Variants in STK32B observed in about 807,000 individuals in gnomAD.
STK32B encodes the protein serine/threonine-protein kinase 32B.
In STK32B, 43 loss-of-function variants were observed where a neutral mutation model predicts 52.6. The ratio of observed to expected loss-of-function variants is 0.82; its 90% CI spans 0.64 to 1.05. The LOEUF (loss-of-function observed/expected upper bound fraction) is 1.05. STK32B is among the 50% of genes least tolerant of loss of function. The pLI is 0.00. For synonymous variants in STK32B, 238 were observed against 204.3 expected (o/e 1.17, Z -1.41); for missense variants, 621 against 534.6 (o/e 1.16, Z -1.59).
chr4:5,108,413 G>C (rs6833812), intron 1 of STK32B, among the ~76,000 whole-genome samples: 1 of 151,994 alleles, frequency 6.6e-6, no homozygotes, highest in African/African-American at 2.4e-5. Context: ...CCCAGTCTTG[G>C]TTGGCGCTGT....
intron 7 of STK32B, chr4:5,446,985 G>A (rs1332173234): frequency 1.9e-6 from 1 of 520,968 alleles, no homozygotes; most frequent in Non-Finnish European, 3.5e-6. Context: ...ATGGGAAAGA[G>A]GCATTCAGTG....
At chr4:5,158,261 C>T (rs992060445) in intron 2 of STK32B, among the ~76,000 whole-genome samples, 1 of 152,184 alleles carries the variant, frequency 6.6e-6, no homozygotes, top group African/African-American at 2.4e-5. Context: ...TGTTTCCCAG[C>T]TCCCTTTACC....
At chr4:5,273,738 A>C (rs1302545792) in intron 3 of STK32B, among the ~76,000 whole-genome samples, 1 of 133,992 alleles carries the variant, frequency 7.5e-6, no homozygotes. Flanking sequence ...AAACTATCGC[A>C]AGAACAAAAA....
intron 4 of STK32B, among the ~76,000 whole-genome samples, chr4:5,389,672 G>A (rs1373259854): frequency 6.6e-6 from 1 of 152,124 alleles, no homozygotes; most frequent in Non-Finnish European, 1.5e-5. Flanking sequence ...GAATTTGGAG[G>A]AACACGATTC....
At chr4:5,059,856 G>A (rs918751317) in intron 1 of STK32B, among the ~76,000 whole-genome samples, 2 of 152,146 alleles carry the variant, frequency 1.3e-5, no homozygotes, top group African/African-American at 4.8e-5. Context: ...GAATAGGAAG[G>A]AAGAGACATT....
intron 3 of STK32B, among the ~76,000 whole-genome samples, chr4:5,282,890 A>C (rs1728299488): frequency 6.6e-6 from 1 of 152,124 alleles, no homozygotes; most frequent in African/African-American, 2.4e-5. Context: ...TCCATTTCAT[A>C]TTTGCAGACC....
chr4:5,164,172 G>A lies in STK32B; in HGVS notation c.109-4127G>A, dbSNP rs556450316. ...TGGAAATTTATTATCTTACAGTTTC[G>A]AAGGCCAGAAGTCTTGAATCCAGCT... On this transcript the variant is annotated intron_variant, in intron 2 of 11. Transcript: ENST00000282908. Among the ~76,000 whole-genome samples, 36 of 152,224 alleles carry A rather than the reference G, an allele frequency of 2.4e-4. No homozygotes were observed. In the South Asian group the frequency reaches 6.2e-3, roughly 26 times the overall value.
the STK32B span, among the ~76,000 whole-genome samples, chr4:5,027,512 T>C: frequency 3.6e-4 from 55 of 152,332 alleles, no homozygotes; most frequent in African/African-American, 1.3e-3. Context: ...ATCTCACTTA[T>C]GTTACCATGC....
chr4:5,487,813 A>C (rs984513324), intron 11 of STK32B, among the ~76,000 whole-genome samples: 1 of 152,084 alleles, frequency 6.6e-6, no homozygotes, highest in Non-Finnish European at 1.5e-5. Context: ...CCCCCTTCTT[A>C]TTTTGGTTTG....
At chr4:5,415,406 G>C (rs1712077323) in intron 5 of STK32B, among the ~76,000 whole-genome samples, 1 of 152,194 alleles carries the variant, frequency 6.6e-6, no homozygotes, top group Non-Finnish European at 1.5e-5. Context: ...AACCAAGGCA[G>C]TCTGGCTCAG....
At chr4:5,041,856 T>A in the STK32B span, among the ~76,000 whole-genome samples, 2 of 151,860 alleles carry the variant, frequency 1.3e-5, no homozygotes, top group African/African-American at 4.8e-5. Context: ...CATATTGAAA[T>A]TGAGTGCAAG....
intron 7 of STK32B, among the ~76,000 whole-genome samples, chr4:5,448,972 G>C (rs4688931): frequency 0.68 from 102,870 of 152,004 alleles, 34,895 homozygotes; most frequent in East Asian, 0.83. Flanking sequence ...CCCCCTCTTG[G>C]AATTCCTCAG....
chr4:5,080,946 C>G (rs532560587), intron 1 of STK32B, among the ~76,000 whole-genome samples: 8 of 152,256 alleles, frequency 5.3e-5, no homozygotes, highest in Admixed American at 5.2e-4. Flanking sequence ...GCCAACAGCT[C>G]CCTATATTCC....
At chr4:5,452,807 A>T (rs1008588468) in intron 7 of STK32B, among the ~76,000 whole-genome samples, 11 of 152,062 alleles carry the variant, frequency 7.2e-5, no homozygotes, top group African/African-American at 2.7e-4. Flanking sequence ...GTTTCCTGGA[A>T]TAGAGACATA....
chr4:5,412,495 GT>G (rs1420465432), intron 5 of STK32B, among the ~76,000 whole-genome samples: 3 of 152,152 alleles, frequency 2.0e-5, no homozygotes, highest in African/African-American at 7.2e-5. Context: ...CAGCATGTCT[GT>G]TCCAGAGCAA....
chr4:5,187,818 C>A (rs1720865386), intron 3 of STK32B, among the ~76,000 whole-genome samples: 1 of 152,190 alleles, frequency 6.6e-6, no homozygotes, highest in Non-Finnish European at 1.5e-5. Context: ...AGCCTATGCT[C>A]TTTCTAAAGC....
chr4:5,055,581 A>G (rs1184498537), intron 1 of STK32B, among the ~76,000 whole-genome samples: 1 of 152,110 alleles, frequency 6.6e-6, no homozygotes, highest in Non-Finnish European at 1.5e-5. Flanking sequence ...CACAACTTGC[A>G]TCGTTAAGAA....
intron 2 of STK32B, among the ~76,000 whole-genome samples, chr4:5,164,389 T>C (rs1472893903): frequency 6.6e-6 from 1 of 152,158 alleles, no homozygotes; most frequent in East Asian, 1.9e-4. Flanking sequence ...CTAAGGACGC[T>C]TGTCATTTGG....
At chr4:5,372,218 C>T (rs184656012) in intron 4 of STK32B, among the ~76,000 whole-genome samples, 11 of 152,304 alleles carry the variant, frequency 7.2e-5, no homozygotes, top group Admixed American at 3.9e-4. Context: ...AGCAACAGAA[C>T]AGTAAATGTG....
Sources: allele counts gnomAD v4.1 joint callset (sites outside exome capture counted in the v4.1 genomes callset), GRCh38; gene constraint gnomAD v4.1.1; transcripts MANE v1.5; gene names NCBI Gene and HGNC (gene_info 2026-07-23, HGNC 2026-07-21).